TNFSF4: variants seen among roughly 807,000 people sequenced by gnomAD.
TNFSF4 encodes tumor necrosis factor ligand superfamily member 4.
TNFSF4 carries 4 observed loss-of-function variants against 7.3 expected under a neutral mutation model. The ratio of observed to expected loss-of-function variants is 0.55; its 90% CI spans 0.27 to 1.25. TNFSF4 has a LOEUF of 1.25. Ranked by LOEUF, TNFSF4 falls within the 50% of genes most tolerant of loss-of-function variation. The pLI is 0.12. For missense variants in TNFSF4, 181 were observed against 208.8 expected (o/e 0.87, Z 0.82); for synonymous variants, 76 against 83.7 (o/e 0.91, Z 0.50).
the TNFSF4 span, among the ~76,000 whole-genome samples, chr1:173,303,081 G>C: frequency 1.3e-5 from 2 of 151,950 alleles, 1 homozygote; most frequent in South Asian, 4.1e-4. Context: ...ACAAACCTGA[G>C]AGGTGCCTTC....
the TNFSF4 span, among the ~76,000 whole-genome samples, chr1:173,308,779 A>G: frequency 6.6e-6 from 1 of 151,936 alleles, no homozygotes; most frequent in East Asian, 1.9e-4. Context: ...GCCCATTCAT[A>G]TGTCTAGTTA....
chr1:173,375,832 C>T, the TNFSF4 span, among the ~76,000 whole-genome samples: 152 of 152,268 alleles, frequency 1.0e-3, no homozygotes, highest in African/African-American at 3.4e-3. Flanking sequence ...TTTGTTCTTT[C>T]GCTCTTCACA....
At chr1:173,191,871 C>A (rs184618067) in intron 1 of TNFSF4, among the ~76,000 whole-genome samples, 1 of 152,246 alleles carries the variant, frequency 6.6e-6, no homozygotes, top group South Asian at 2.1e-4. Flanking sequence ...GCACATGGTA[C>A]GTGGTAAGCA....
At chr1:173,429,127 C>A in the TNFSF4 span, among the ~76,000 whole-genome samples, 1 of 151,876 alleles carries the variant, frequency 6.6e-6, no homozygotes, top group African/African-American at 2.4e-5. Flanking sequence ...TAAAGCTGGA[C>A]AAAAAGTACA....
At chr1:173,341,744 C>T in the TNFSF4 span, among the ~76,000 whole-genome samples, 1 of 152,132 alleles carries the variant, frequency 6.6e-6, no homozygotes, top group Admixed American at 6.5e-5. Flanking sequence ...AGTCAGTGCC[C>T]CATAAATGTT....
the TNFSF4 span, among the ~76,000 whole-genome samples, chr1:173,446,572 T>C: frequency 6.6e-6 from 1 of 152,184 alleles, no homozygotes; most frequent in Admixed American, 6.5e-5. Context: ...AAGATTAACA[T>C]TCGAGTCAGT....
At chr1:173,306,133 A>AT in the TNFSF4 span, among the ~76,000 whole-genome samples, 3 of 151,648 alleles carry the variant, frequency 2.0e-5, no homozygotes, top group Non-Finnish European at 2.9e-5. Flanking sequence ...TTGGAAGGAG[A>AT]TTTTTTCCCC....
At chr1:173,364,777 C>T in the TNFSF4 span, among the ~76,000 whole-genome samples, 15,391 of 152,068 alleles carry the variant, frequency 0.1, 1,270 homozygotes, top group South Asian at 0.23. Flanking sequence ...TATTATACCA[C>T]TAACTGTTCA....
chr1:173,323,289 C>T, the TNFSF4 span, among the ~76,000 whole-genome samples: 4 of 152,188 alleles, frequency 2.6e-5, no homozygotes, highest in African/African-American at 7.2e-5. Flanking sequence ...CTGGAGTGGA[C>T]CTTCAGTAAA....
chr1:173,309,402 G>GT, the TNFSF4 span, among the ~76,000 whole-genome samples: 358 of 150,728 alleles, frequency 2.4e-3, 2 homozygotes, highest in African/African-American at 8.0e-3. Flanking sequence ...AGTTTACTGA[G>GT]TTTTTTTTTA....
At chr1:173,204,760 G>A (rs945570899) in intron 1 of TNFSF4, among the ~76,000 whole-genome samples, 5 of 151,420 alleles carry the variant, frequency 3.3e-5, no homozygotes, top group African/African-American at 9.8e-5. Flanking sequence ...ACCACCACCC[G>A]ATCCCTCAAT....
At chr1:173,351,823 G>A in the TNFSF4 span, 2 of 606,538 alleles carry the variant, frequency 3.3e-6, no homozygotes, top group African/African-American at 3.7e-5. Context: ...TACATTGAAT[G>A]GGTGCAGCAG....
the TNFSF4 span, among the ~76,000 whole-genome samples, chr1:173,327,975 A>G: frequency 1.3e-5 from 2 of 152,252 alleles, no homozygotes; most frequent in East Asian, 1.9e-4. Context: ...AACTAGAAAT[A>G]CCATTTCACC....
chr1:173,226,911 A>C, the TNFSF4 span, among the ~76,000 whole-genome samples: 1 of 152,252 alleles, frequency 6.6e-6, no homozygotes, highest in Admixed American at 6.5e-5. Flanking sequence ...AATCATGGAT[A>C]TAGAGAAAAG....
At chr1:173,368,608 G>A in the TNFSF4 span, among the ~76,000 whole-genome samples, 96,044 of 151,910 alleles carry the variant, frequency 0.63, 30,532 homozygotes, top group Admixed American at 0.69. Context: ...AGTTGGGAGC[G>A]TTGGTTTTCC....
the TNFSF4 span, among the ~76,000 whole-genome samples, chr1:173,354,045 C>T: frequency 6.6e-6 from 1 of 150,560 alleles, no homozygotes; most frequent in Non-Finnish European, 1.5e-5. Flanking sequence ...AAAAGGTCAA[C>T]AAATCTAGGA....
At chr1:173,317,095 C>T in the TNFSF4 span, among the ~76,000 whole-genome samples, 1 of 152,168 alleles carries the variant, frequency 6.6e-6, no homozygotes, top group Non-Finnish European at 1.5e-5. Flanking sequence ...GGAACACTCT[C>T]TGGGAGCTTT....
rs534064142 is a variant in TNFSF4, at chr1:173,202,345, T to A, written c.153+4679A>T. ...CCAAATTATTCTGTCCTATTTTGAA[T>A]ACCCAGATCAAAACATATATCTAAA... On this transcript the variant is annotated intron_variant, in intron 1 of 2. Coordinates refer to ENST00000281834, the MANE Select transcript of TNFSF4 (RefSeq NM_003326.5). 1.1e-4 allele frequency among the ~76,000 whole-genome samples: 17 copies of A among 152,336 alleles called. No individual in the cohort carries two copies. The South Asian group carries it at 3.5e-3, about 32-fold the overall frequency.
chr1:173,273,333 T>C, the TNFSF4 span, among the ~76,000 whole-genome samples: 1 of 152,274 alleles, frequency 6.6e-6, no homozygotes, highest in South Asian at 2.1e-4. Context: ...ATACGGACTT[T>C]CTTCAAACTG....
Sources: gnomAD v4.1 joint callset for allele counts (sites outside exome capture counted in the v4.1 genomes callset) on GRCh38, gnomAD v4.1.1 for gene constraint, MANE v1.5 for transcripts, NCBI Gene and HGNC (gene_info 2026-07-23, HGNC 2026-07-21) for gene names.